The following INTU variants were observed in gnomAD, a reference collection of about 807,000 sequenced individuals.
The protein encoded by INTU is protein inturned.
A neutral mutation model predicts 100.5 loss-of-function variants in INTU; 68 were observed. The ratio of observed to expected loss-of-function variants is 0.68; its 90% CI spans 0.56 to 0.83. The LOEUF (loss-of-function observed/expected upper bound fraction) is 0.83. Among genes scored for constraint, INTU ranks in the 40% least tolerant of loss-of-function variants. The pLI, the probability that INTU is intolerant of heterozygous loss-of-function variation, is 0.00. For synonymous variants in INTU, 357 were observed against 395.7 expected, an observed-to-expected ratio of 0.90 and a Z score of 1.16; for missense variants, 1,071 against 1,114.7, an observed-to-expected ratio of 0.96 and a Z score of 0.56.
At chr4:127,651,651 G>A (rs1437447657) in intron 2 of INTU, among the ~76,000 whole-genome samples, 2 of 152,122 alleles carry the variant, frequency 1.3e-5, no homozygotes, top group East Asian at 1.9e-4. Context: ...GTCAGGTAGG[G>A]TGATGCCTAC....
chr4:127,666,776 C>G (rs1316046339), intron 4 of INTU, among the ~76,000 whole-genome samples: 1 of 152,220 alleles, frequency 6.6e-6, no homozygotes, highest in East Asian at 1.9e-4. Context: ...TCTAGTCAAA[C>G]ATAATGCTTT....
chr4:127,706,725 T>G lies in INTU; in HGVS notation c.2027T>G (p.Ile676Ser). The G allele has an allele frequency of 6.2e-7, 1 of 1,614,084 alleles. No individual in the cohort carries two copies. The stretch of plus-strand genomic sequence containing the variant: ...ACAGATAGCTTGACCACTTCGCCTA[T>G]TCTCAGTAGGCTACAAGGTACTTCC... Reference protein sequence around the residue: ...EKTDSLTTSPILSRLQGTSKV... With the variant: ...EKTDSLTTSPSLSRLQGTSKV... Residue 676 changes from isoleucine (I) to serine (S), a missense_variant, in exon 12 of 16, where the codon ATT becomes AGT. Physicochemically the swap from Ile to Ser is moderately radical, Grantham distance 142 (BLOSUM62 -2). Transcript: ENST00000335251.
At position 127,684,161 on chromosome 4, in the gene INTU, T is replaced by C. The variant is rs940017853; in HGVS notation, c.1182-248T>C. Reference sequence around the variant, plus strand: ...CATTTTACAGATGAAGAAACTGAACTTTAGAGACAGTTACATGATTTACAA... The same window carrying C: ...CATTTTACAGATGAAGAAACTGAACCTTAGAGACAGTTACATGATTTACAA... On this transcript the variant is annotated intron_variant, in intron 6 of 15. Transcript: ENST00000335251. Among the ~76,000 whole-genome samples the C allele has an allele frequency of 2.6e-5, 4 of 152,320 alleles. No individual in the cohort carries two copies. The South Asian group carries it at 8.3e-4, about 32-fold the overall frequency.
At chr4:127,682,096 A>G (rs1193127109) in intron 6 of INTU, among the ~76,000 whole-genome samples, 8 of 151,968 alleles carry the variant, frequency 5.3e-5, no homozygotes, top group Non-Finnish European at 4.4e-5. Flanking sequence ...TTAAAAAGTC[A>G]GGAAACAACA....
At chr4:127,691,779 G>A (rs1226512270) in intron 8 of INTU, among the ~76,000 whole-genome samples, 1 of 151,532 alleles carries the variant, frequency 6.6e-6, no homozygotes, top group Non-Finnish European at 1.5e-5. Context: ...AAAGTCCAAT[G>A]TATCATTCTT....
At chr4:127,679,414 C>T (rs952317683) in intron 6 of INTU, among the ~76,000 whole-genome samples, 1 of 152,170 alleles carries the variant, frequency 6.6e-6, no homozygotes, top group Non-Finnish European at 1.5e-5. Context: ...TCTCAGACCA[C>T]AGTGCAATCA....
chr4:127,695,098 G>A (rs115456923), intron 8 of INTU, among the ~76,000 whole-genome samples: 4,871 of 152,206 alleles, frequency 0.032, 100 homozygotes, highest in Non-Finnish European at 0.048. Flanking sequence ...ACAATATTGA[G>A]TCTTCCTATC....
chr4:127,710,823 A>T, intron 13 of INTU, 90 bp from the exon 14 acceptor site: 1 of 712,688 alleles, frequency 1.4e-6, no homozygotes, highest in East Asian at 2.8e-5. Flanking sequence ...ATAAAAGCTT[A>T]TAAGAAGTCT....
chr4:127,648,966 G>A (rs762325182), intron 2 of INTU, among the ~76,000 whole-genome samples: 4 of 152,050 alleles, frequency 2.6e-5, no homozygotes, highest in Non-Finnish European at 5.9e-5. Flanking sequence ...TCCCATCTGA[G>A]TTGTATCTCT....
At chr4:127,666,618 T>C (rs960353064) in intron 4 of INTU, among the ~76,000 whole-genome samples, 2 of 152,030 alleles carry the variant, frequency 1.3e-5, no homozygotes, top group Non-Finnish European at 2.9e-5. Flanking sequence ...CACTCAACAC[T>C]CCCAGCAGAG....
Position 127,708,282 on chromosome 4 carries a change from T to G in INTU, c.2272-289T>G, listed in dbSNP as rs113612231. On this transcript the variant is annotated intron_variant, in intron 12 of 15. Coordinates refer to ENST00000335251, the MANE Select transcript of INTU (RefSeq NM_015693.4). ...ATGAATAAGACACAGCCCCTGACTT[T>G]GAGGAGTGCAGAGTCTAGGGAGGGG... Among the ~76,000 whole-genome samples, 134 of 152,222 alleles carry G rather than the reference T, an allele frequency of 8.8e-4. 1 individual carries two copies. Among genetic ancestry groups the G allele is most frequent in the African/African-American group, 3.0e-3 (126 of 41,538 alleles).
intron 5 of INTU, among the ~76,000 whole-genome samples, chr4:127,672,885 A>C (rs1728996734): frequency 6.6e-6 from 1 of 152,214 alleles, no homozygotes. Flanking sequence ...AATTTTTAAA[A>C]CTTCACTGAA....
intron 5 of INTU, among the ~76,000 whole-genome samples, chr4:127,671,548 G>A (rs1211782416): frequency 6.6e-6 from 1 of 152,058 alleles, no homozygotes; most frequent in Non-Finnish European, 1.5e-5. Flanking sequence ...ACAGAAAACA[G>A]TATGGAGATT....
At chr4:127,653,964 T>A (rs1010575586) in intron 2 of INTU, among the ~76,000 whole-genome samples, 1 of 151,466 alleles carries the variant, frequency 6.6e-6, no homozygotes, top group African/African-American at 2.4e-5. Flanking sequence ...TTGATCCCTT[T>A]ACCATTATGT....
intron 6 of INTU, among the ~76,000 whole-genome samples, chr4:127,680,971 G>C (rs1490402537): frequency 2.6e-5 from 4 of 151,882 alleles, no homozygotes. Flanking sequence ...GACAAACAGA[G>C]AGCCAAATCA....
At chr4:127,711,704 C>T (rs1214225958) in intron 14 of INTU, among the ~76,000 whole-genome samples, 3 of 152,124 alleles carry the variant, frequency 2.0e-5, no homozygotes, top group African/African-American at 4.8e-5. Context: ...CTAGGCTGTG[C>T]ACTTCTTATG....
At chr4:127,658,929 C>T (rs1443371127) in intron 3 of INTU, among the ~76,000 whole-genome samples, 3 of 152,050 alleles carry the variant, frequency 2.0e-5, no homozygotes, top group Non-Finnish European at 4.4e-5. Context: ...TGTATTCCTG[C>T]AACTAGATGG....
rs1314529123 is a variant in INTU, at chr4:127,725,412, A to C, written c.*8976A>C. ...CTTAGGACTGCTTATTTACATATAT[A>C]TGTATTAAGACACTTTGGTTAAAAC... On this transcript the variant is annotated 3_prime_UTR_variant, in exon 16 of 16. Coordinates refer to ENST00000335251, the MANE Select transcript of INTU (RefSeq NM_015693.4). The C allele has an allele frequency of 6.6e-6, 1 of 152,224 alleles. No homozygotes were observed. Among genetic ancestry groups the C allele is most frequent in the Non-Finnish European group, 1.5e-5 (1 of 68,048 alleles). The allele number at this position is 152,224 out of a possible 1,614,324, so 9.4% of individuals were successfully genotyped here.
intron 4 of INTU, among the ~76,000 whole-genome samples, chr4:127,664,892 A>G (rs944120385): frequency 2.6e-5 from 4 of 151,916 alleles, no homozygotes; most frequent in South Asian, 2.1e-4. Flanking sequence ...AAAAATTTCT[A>G]CTGGAACTGC....
Sources: gnomAD v4.1 joint callset for allele counts (sites outside exome capture counted in the v4.1 genomes callset) on GRCh38, gnomAD v4.1.1 for gene constraint, MANE v1.5 for transcripts, NCBI Gene and HGNC (gene_info 2026-07-23, HGNC 2026-07-21) for gene names.